The following PRKG1 variants were observed in gnomAD, a reference collection of about 807,000 sequenced individuals.
The protein encoded by PRKG1 is cGMP-dependent protein kinase 1.
Under a neutral mutation model 88.1 loss-of-function variants are expected in PRKG1, and 35 were observed. The observed-to-expected ratio is 0.40, with a 90% CI of 0.30 to 0.53. The LOEUF is 0.53. Ranked by LOEUF, PRKG1 falls within the 20% of genes least tolerant of loss-of-function variation. The pLI, the probability that PRKG1 is intolerant of heterozygous loss-of-function variation, is 0.59. For missense variants in PRKG1, 540 were observed against 839.8 expected (o/e 0.64, Z 4.41); for synonymous variants, 303 against 292.5 (o/e 1.04, Z -0.37).
chr10:51,776,361 TAATA>T (rs1239223904), intron 3 of PRKG1, among the ~76,000 whole-genome samples: 1 of 152,156 alleles, frequency 6.6e-6, no homozygotes, highest in Admixed American at 6.6e-5. Flanking sequence ...CCAAAAAATC[TAATA>T]GATAGCTACA....
At chr10:51,818,757 C>T (rs1484260335) in intron 4 of PRKG1, among the ~76,000 whole-genome samples, 1 of 98,952 alleles carries the variant, frequency 1.0e-5, no homozygotes, top group East Asian at 3.0e-4. Context: ...CCTGTAATCC[C>T]AGCACTTTGG....
At chr10:52,171,404 A>T (rs1021054076) in intron 9 of PRKG1, among the ~76,000 whole-genome samples, 4 of 152,188 alleles carry the variant, frequency 2.6e-5, no homozygotes, top group Non-Finnish European at 5.9e-5. Flanking sequence ...CTTGCTGACT[A>T]TCTGCAGGGT....
chr10:51,134,479 G>A (rs1388605171), intron 1 of PRKG1, among the ~76,000 whole-genome samples: 1 of 152,134 alleles, frequency 6.6e-6, no homozygotes, highest in Non-Finnish European at 1.5e-5. Flanking sequence ...ATACCATGCA[G>A]TAGTCCTGAA....
intron 3 of PRKG1, among the ~76,000 whole-genome samples, chr10:51,515,707 T>A (rs1841561063): frequency 6.6e-6 from 1 of 152,076 alleles, no homozygotes; most frequent in Non-Finnish European, 1.5e-5. Flanking sequence ...CCAATCAAGT[T>A]CCAATCAACG....
At chr10:52,101,767 G>A (rs1405673112) in intron 7 of PRKG1, among the ~76,000 whole-genome samples, 1 of 152,148 alleles carries the variant, frequency 6.6e-6, no homozygotes, top group Non-Finnish European at 1.5e-5. Context: ...GACAGAGGTT[G>A]TATTAGTTTC....
chr10:51,271,774 T>G (rs1241007271), intron 2 of PRKG1, among the ~76,000 whole-genome samples: 1 of 152,220 alleles, frequency 6.6e-6, no homozygotes, highest in African/African-American at 2.4e-5. Context: ...TGCATAGTAT[T>G]CCATGGTGTA....
At chr10:51,672,501 C>T (rs1840607895) in intron 3 of PRKG1, among the ~76,000 whole-genome samples, 1 of 150,488 alleles carries the variant, frequency 6.6e-6, no homozygotes, top group African/African-American at 2.4e-5. Context: ...TTATGTTTTG[C>T]CTTTCTTGTT....
At chr10:51,949,407 G>A (rs1360094767) in intron 5 of PRKG1, among the ~76,000 whole-genome samples, 1 of 151,898 alleles carries the variant, frequency 6.6e-6, no homozygotes, top group Non-Finnish European at 1.5e-5. Flanking sequence ...GAGACCAGGA[G>A]TTCGAGATCA....
At chr10:52,148,681 C>T (rs80079691) in intron 8 of PRKG1, among the ~76,000 whole-genome samples, 26,456 of 152,010 alleles carry the variant, frequency 0.17, 2,699 homozygotes, top group South Asian at 0.3. Context: ...TAGTGGAGTG[C>T]CATGAGCGTC....
In PRKG1 at chr10:51,415,910, AGTGTGTGT is replaced by A. The variant is rs71459419; in HGVS notation, c.479-51786_479-51779del. Among the ~76,000 whole-genome samples, 9 of 147,128 alleles carry A rather than the reference AGTGTGTGT, an allele frequency of 6.1e-5. No individual in the cohort carries two copies. In the South Asian group the frequency reaches 6.6e-4, roughly 11 times the overall value. On this transcript the variant is annotated intron_variant, in intron 2 of 17. Transcript: ENST00000373980. The stretch of plus-strand genomic sequence containing the variant: ...CCTAAACTGGCATGCTAGAGCTTCC[AGTGTGTGT>A]GTGTGTGTGTGTGTGTGTGTGTGTG...
chr10:51,538,710 A>G (rs545162293), intron 3 of PRKG1, among the ~76,000 whole-genome samples: 9 of 151,444 alleles, frequency 5.9e-5, no homozygotes, highest in Middle Eastern at 3.4e-3. Flanking sequence ...TTTCTATGGT[A>G]TCTATGCTTC....
intron 2 of PRKG1, among the ~76,000 whole-genome samples, chr10:51,185,045 T>C (rs1195262747): frequency 6.6e-6 from 1 of 152,178 alleles, no homozygotes; most frequent in Non-Finnish European, 1.5e-5. Context: ...TTGATAATTG[T>C]GACATCTCAC....
intron 3 of PRKG1, among the ~76,000 whole-genome samples, chr10:51,738,841 G>A (rs1415482148): frequency 2.0e-5 from 3 of 152,156 alleles, no homozygotes; most frequent in Non-Finnish European, 4.4e-5. Flanking sequence ...CCCTGATAGT[G>A]AATGCTGTGA....
intron 3 of PRKG1, among the ~76,000 whole-genome samples, chr10:51,679,856 A>C (rs1840803734): frequency 7.0e-6 from 1 of 143,796 alleles, no homozygotes; most frequent in Non-Finnish European, 1.5e-5. Context: ...TATATCTCCC[A>C]ATGCTATCCC....
chr10:51,743,053 A>C (rs1837475204), intron 3 of PRKG1, among the ~76,000 whole-genome samples: 1 of 144,006 alleles, frequency 6.9e-6, no homozygotes. Context: ...AAAATTAAAA[A>C]GAGAGAGAGA....
In PRKG1 at chr10:51,028,363, T is replaced by A. The variant is rs189128204; in HGVS notation, c.266+36719T>A. ...AATCCAGTGATTTATCAGGTCACAA[T>A]CCAGGGCCATAGTGAAGTTGAGTGG... On this transcript the variant is annotated intron_variant, in intron 1 of 17. Transcript: ENST00000401604. 2.0e-5 allele frequency among the ~76,000 whole-genome samples: 3 copies of A among 152,282 alleles called. No homozygotes were observed. The East Asian group carries it at 5.8e-4, about 29-fold the overall frequency.
At chr10:52,262,266 T>A (rs955746358) in intron 10 of PRKG1, among the ~76,000 whole-genome samples, 38 of 152,138 alleles carry the variant, frequency 2.5e-4, no homozygotes, top group Middle Eastern at 3.4e-3. Context: ...GCTGGTTTTT[T>A]TTGTTTGTTT....
intron 3 of PRKG1, among the ~76,000 whole-genome samples, chr10:51,600,360 C>G: frequency 6.6e-6 from 1 of 152,150 alleles, no homozygotes; most frequent in East Asian, 1.9e-4. Flanking sequence ...GGCTAAGAAT[C>G]TCATTCAAAT....
chr10:51,492,618 T>C (rs933269598), intron 3 of PRKG1, among the ~76,000 whole-genome samples: 1 of 152,158 alleles, frequency 6.6e-6, no homozygotes, highest in Admixed American at 6.6e-5. Context: ...TAAATTTCTA[T>C]TTGTTTTGAC....
Sources: gnomAD v4.1 joint callset for allele counts (sites outside exome capture counted in the v4.1 genomes callset) on GRCh38, gnomAD v4.1.1 for gene constraint, MANE v1.5 for transcripts, NCBI Gene and HGNC (gene_info 2026-07-23, HGNC 2026-07-21) for gene names.